TNFRSF17: variants seen among roughly 807,000 people sequenced by gnomAD.
The protein encoded by TNFRSF17 is tumor necrosis factor receptor superfamily member 17.
Under a neutral mutation model 9.9 loss-of-function variants are expected in TNFRSF17, and 13 were observed. The ratio of observed to expected loss-of-function variants is 1.31; its 90% CI spans 0.85 to 2.08. The LOEUF (loss-of-function observed/expected upper bound fraction) is 2.08. TNFRSF17 is among the 30% of genes most tolerant of loss of function. The probability of loss-of-function intolerance (pLI) is 0.00; values close to 1 mark genes in which losing one functional copy is unlikely to be tolerated. For synonymous variants in TNFRSF17, 99 were observed against 83.7 expected (o/e 1.18, Z -1.00); for missense variants, 305 against 225.8 (o/e 1.35, Z -2.25).
chr16:11,966,436 T>A, intron 2 of TNFRSF17, 95 bp downstream of exon 2: 1 of 1,276,446 alleles, frequency 7.8e-7, no homozygotes, highest in Non-Finnish European at 1.1e-6. Context: ...CTATTTCACT[T>A]CGTTACAGCC....
intron 2 of TNFRSF17, 47 bp downstream of exon 2, chr16:11,966,388 A>C: frequency 6.4e-7 from 1 of 1,572,574 alleles, no homozygotes. Context: ...GGGGATGGCT[A>C]TTGTGAGTTT....
intron 1 of TNFRSF17, among the ~76,000 whole-genome samples, chr16:11,965,971 C>T (rs1382943745): frequency 6.6e-6 from 1 of 151,996 alleles, no homozygotes; most frequent in African/African-American, 2.4e-5. Flanking sequence ...ATTAGCTGGG[C>T]ATGGTGGCAC....
Position 11,965,451 on chromosome 16 carries a change from G to T in TNFRSF17, c.127G>T (p.Ala43Ser), listed in dbSNP as rs760559467. The T allele has an allele frequency of 1.2e-6, 2 of 1,613,864 alleles. No individual in the cohort carries two copies. Among genetic ancestry groups the T allele is most frequent in the East Asian group, 2.2e-5 (1 of 44,892 alleles). Residue 43 changes from alanine to serine, a missense_variant, in exon 1 of 3, where the codon GCA (alanine) becomes TCA (serine). By Grantham distance (99) the Ala-to-Ser change is moderately conservative. Coordinates refer to ENST00000053243, the MANE Select transcript of TNFRSF17 (RefSeq NM_001192.3). ...TCTAACATGTCAGCGTTATTGTAATGCAAGTAAGTAATATTGCTTGAACGA... is the reference window on the plus strand; with the variant it reads ...TCTAACATGTCAGCGTTATTGTAATTCAAGTAAGTAATATTGCTTGAACGA... ...PPLTCQRYCNASVTNSVKGTN... is the reference protein window; with the variant it reads ...PPLTCQRYCNSSVTNSVKGTN...
Position 11,967,826 on chromosome 16 carries a change from G to T in TNFRSF17, c.534G>T (p.Glu178Asp), listed in dbSNP as rs199882446. 10 of 1,613,814 alleles carry T rather than the reference G, an allele frequency of 6.2e-6. No individual in the cohort carries two copies. The highest frequency in any genetic ancestry group is 7.6e-6 in the Non-Finnish European group (9 of 1,179,908). ...LPAALSATEIEKSISAR is the reference protein window; with the variant it reads ...LPAALSATEIDKSISAR ...CTGCTTTGAGTGCTACGGAGATAGA[G>T]AAATCAATTTCTGCTAGGTAATTAA... Residue 178 changes from glutamate to aspartate, a missense_variant, in exon 3 of 3, where the codon GAG becomes GAT. Transcript: ENST00000053243.
Position 11,967,576 on chromosome 16 carries a change from G to T in TNFRSF17, c.284G>T (p.Gly95Val). ...TCCGTTTCTACATAATTAGGATCAG[G>T]TCTCCTGGGCATGGCTAACATTGAC... ...LKDEFKNTGSGLLGMANIDLE... is the reference protein window; with the variant it reads ...LKDEFKNTGSVLLGMANIDLE... Residue 95 changes from glycine (G) to valine (V), a missense_variant, in exon 3 of 3, where the codon GGT becomes GTT. Gly to Val is a moderately radical substitution (Grantham distance 109, BLOSUM62 -3). Transcript: ENST00000053243. The T allele has an allele frequency of 1.9e-6, 3 of 1,611,798 alleles. No homozygotes were observed. Among genetic ancestry groups the T allele is most frequent in the Non-Finnish European group, 2.5e-6 (3 of 1,178,282 alleles).
rs1003746579 is a variant in TNFRSF17 at position 11,965,389 on chromosome 16, T to C, written c.65T>C (p.Ile22Thr). ...EYFDSLLHAC[I>T]PCQLRCSSNT... The stretch of plus-strand genomic sequence containing the variant: ...TTTGACAGTTTGTTGCATGCTTGCA[T>C]ACCTTGTCAACTTCGATGTTCTTCT... Residue 22 changes from isoleucine (I) to threonine (T), a missense_variant, in exon 1 of 3, where the codon ATA (isoleucine) becomes ACA (threonine). Transcript: ENST00000053243. 11 of 1,614,240 alleles carry C rather than the reference T, an allele frequency of 6.8e-6. No individual in the cohort carries two copies. The highest frequency in any genetic ancestry group is 7.6e-6 in the Non-Finnish European group (9 of 1,180,026).
intron 2 of TNFRSF17, 104 bp downstream of exon 2, chr16:11,966,445 C>A: frequency 8.3e-7 from 1 of 1,200,712 alleles, no homozygotes; most frequent in Non-Finnish European, 1.2e-6. Context: ...TTCGTTACAG[C>A]CCTTTCGAAT....
intron 2 of TNFRSF17, 145 bp downstream of exon 2, chr16:11,966,486 T>C: frequency 1.2e-6 from 1 of 825,458 alleles, no homozygotes; most frequent in Non-Finnish European, 1.8e-6. Flanking sequence ...TAAATGAACT[T>C]GGTAGAGGTG....
intron 2 of TNFRSF17, 50 bp from the exon 3 acceptor site, chr16:11,967,520 C>G: frequency 6.4e-7 from 1 of 1,571,812 alleles, no homozygotes; most frequent in Non-Finnish European, 8.7e-7. Context: ...ACTCTCATGA[C>G]CACATTCTCT....
chr16:11,966,735 A>G (rs2055197167), intron 2 of TNFRSF17, among the ~76,000 whole-genome samples: 1 of 152,216 alleles, frequency 6.6e-6, no homozygotes, highest in African/African-American at 2.4e-5. Context: ...TTTTATACAA[A>G]TATAGGTGTT....
At chr16:11,965,538 G>A (rs1292861166) in intron 1 of TNFRSF17, 84 bp downstream of exon 1, 20 of 1,369,946 alleles carry the variant, frequency 1.5e-5, no homozygotes, top group Non-Finnish European at 2.0e-5. Flanking sequence ...TCAACATAAT[G>A]GGCATGATGG....
intron 2 of TNFRSF17, 96 bp from the exon 3 acceptor site, chr16:11,967,474 C>A: frequency 7.7e-7 from 1 of 1,294,812 alleles, no homozygotes; most frequent in Non-Finnish European, 1.1e-6. Flanking sequence ...AAAAATCTCT[C>A]TCACATTGCT....
chr16:11,967,024 G>T (rs11570154), intron 2 of TNFRSF17: 75 of 192,574 alleles, frequency 3.9e-4, no homozygotes, highest in Non-Finnish European at 6.6e-4. Context: ...ATTTAGAGAT[G>T]GAGTCTCGCT....
chr16:11,965,491 G>C (rs2055186462), intron 1 of TNFRSF17, 37 bp downstream of exon 1: 4 of 1,607,928 alleles, frequency 2.5e-6, no homozygotes, highest in East Asian at 4.5e-5. Context: ...TCATTGGTGT[G>C]AACTATTCTG....
chr16:11,967,530 T>C lies in TNFRSF17; in HGVS notation c.278-40T>C, dbSNP rs2150941775. On this transcript the variant is annotated intron_variant, in intron 2 of 2. Coordinates refer to ENST00000053243, the MANE Select transcript of TNFRSF17 (RefSeq NM_001192.3). ...CTAAGACTCTCATGACCACATTCTC[T>C]GTGAAGTTTGGGTTAATGTTTCCGT... The C allele has an allele frequency of 1.9e-6, 3 of 1,587,126 alleles. No homozygotes were observed. The East Asian group carries it at 6.7e-5, about 36-fold the overall frequency.
At position 11,967,864 on chromosome 16, in the gene TNFRSF17, G is replaced by A. The variant is rs376885863; in HGVS notation, c.*17G>A. 11 of 1,606,814 alleles carry A rather than the reference G, an allele frequency of 6.8e-6. No homozygotes were observed. Among genetic ancestry groups the A allele is most frequent in the African/African-American group, 1.3e-5 (1 of 74,604 alleles). Reference sequence around the variant, plus strand: ...GCTAGGTAATTAACCATTTCGACTCGAGCAGTGCCACTTTAAAAATCTTTT... The same window carrying A: ...GCTAGGTAATTAACCATTTCGACTCAAGCAGTGCCACTTTAAAAATCTTTT... On this transcript the variant is annotated 3_prime_UTR_variant, in exon 3 of 3. Transcript: ENST00000053243.
At position 11,967,572 on chromosome 16, in the gene TNFRSF17, T is replaced by A. The variant is rs762933989; in HGVS notation, c.280T>A (p.Ser94Thr). The A allele has an allele frequency of 6.2e-7, 1 of 1,610,000 alleles. No homozygotes were observed. The highest frequency in any genetic ancestry group is 8.5e-7 in the Non-Finnish European group (1 of 1,177,238). The change falls in exon 3 of 3, where the codon TCA (serine) becomes ACA (threonine). Residue 94 changes from serine (S) to threonine (T), a missense_variant and splice_region_variant. Coordinates refer to ENST00000053243, the MANE Select transcript of TNFRSF17 (RefSeq NM_001192.3). ...PLKDEFKNTG[S>T]GLLGMANIDL... ...TGTTTCCGTTTCTACATAATTAGGA[T>A]CAGGTCTCCTGGGCATGGCTAACAT...
rs2150942235 is a variant in TNFRSF17, at chr16:11,967,893, A to G, written c.*46A>G. 1.3e-6 allele frequency: 2 copies of G among 1,587,816 alleles called. No individual in the cohort carries two copies. The highest frequency in any genetic ancestry group is 2.2e-5 in the East Asian group (1 of 44,668). On this transcript the variant is annotated 3_prime_UTR_variant, in exon 3 of 3. Coordinates refer to ENST00000053243, the MANE Select transcript of TNFRSF17 (RefSeq NM_001192.3). ...AGTGCCACTTTAAAAATCTTTTGTCAGAATAGATGATGTGTCAGATCTCTT... is the reference window on the plus strand; with the variant it reads ...AGTGCCACTTTAAAAATCTTTTGTCGGAATAGATGATGTGTCAGATCTCTT...
Position 11,968,061 on chromosome 16 carries a change from T to TA in TNFRSF17, c.*214_*215insA. On this transcript the variant is annotated 3_prime_UTR_variant, in exon 3 of 3. Transcript: ENST00000053243. Reference sequence around the variant, plus strand: ...TTGGTTTCATGATTAAACTCTTTTTTTTCCTGACATCTAAGTTTTTATTAA... The same window carrying TA: ...TTGGTTTCATGATTAAACTCTTTTTTATTCCTGACATCTAAGTTTTTATTAA... 1.8e-6 allele frequency: 1 copy of TA among 552,072 alleles called. No homozygotes were observed. The highest frequency in any genetic ancestry group is 3.1e-6 in the Non-Finnish European group (1 of 323,644). The allele number at this position is 552,072 out of a possible 1,614,324, so 34.2% of individuals were successfully genotyped here.
Sources: gnomAD v4.1 joint callset for allele counts (sites outside exome capture counted in the v4.1 genomes callset) on GRCh38, gnomAD v4.1.1 for gene constraint, MANE v1.5 for transcripts, NCBI Gene and HGNC (gene_info 2026-07-23, HGNC 2026-07-21) for gene names.